The following RAB3IP variants were observed in gnomAD, a reference collection of about 807,000 sequenced individuals.
The protein encoded by RAB3IP is RAB3A interacting protein.
A neutral mutation model predicts 59.1 loss-of-function variants in RAB3IP; 36 were observed. That is an observed-to-expected ratio of 0.61 (90% CI 0.47 to 0.80). RAB3IP has a LOEUF of 0.80. Ranked by LOEUF, RAB3IP falls within the 30% of genes least tolerant of loss-of-function variation. The pLI is 0.00. For missense variants in RAB3IP, 511 were observed against 536.0 expected (o/e 0.95, Z 0.46); for synonymous variants, 207 against 191.2 (o/e 1.08, Z -0.68).
At chr12:69,787,909 T>C (rs1875960892) in intron 4 of RAB3IP, among the ~76,000 whole-genome samples, 1 of 152,148 alleles carries the variant, frequency 6.6e-6, no homozygotes, top group African/African-American at 2.4e-5. Context: ...ATGGACATAC[T>C]AATGTGTTAA....
At chr12:69,797,661 T>C (rs1410742062) in intron 6 of RAB3IP, among the ~76,000 whole-genome samples, 1 of 151,980 alleles carries the variant, frequency 6.6e-6, no homozygotes, top group African/African-American at 2.4e-5. Context: ...CTCCCAATGC[T>C]ATCCCTACCC....
At chr12:69,782,775 C>T (rs139991324) in intron 3 of RAB3IP, among the ~76,000 whole-genome samples, 162 of 152,130 alleles carry the variant, frequency 1.1e-3, no homozygotes, top group African/African-American at 3.8e-3. Context: ...CTTCTTACCC[C>T]AGTCCATCAT....
intron 3 of RAB3IP, among the ~76,000 whole-genome samples, chr12:69,760,525 A>G (rs185651030): frequency 4.6e-5 from 7 of 152,234 alleles, no homozygotes; most frequent in East Asian, 1.9e-4. Context: ...CTTCATGTGG[A>G]TCCAGATTTC....
intron 4 of RAB3IP, among the ~76,000 whole-genome samples, chr12:69,791,952 A>ATG (rs1344823065): frequency 6.6e-6 from 1 of 152,188 alleles, no homozygotes; most frequent in Non-Finnish European, 1.5e-5. Context: ...TGTGGGGGGT[A>ATG]TGTGTGTGTA....
intron 3 of RAB3IP, 35 bp downstream of exon 3, chr12:69,756,698 A>AT (rs745391712): frequency 4.3e-5 from 67 of 1,545,370 alleles, no homozygotes; most frequent in Non-Finnish European, 5.7e-5. Flanking sequence ...TCCATATATT[A>AT]TATTAGAAAT....
intron 3 of RAB3IP, among the ~76,000 whole-genome samples, chr12:69,757,089 G>T (rs1870352605): frequency 6.6e-6 from 1 of 152,150 alleles, no homozygotes; most frequent in Non-Finnish European, 1.5e-5. Context: ...TTACCTTGGA[G>T]AATTTTCTTG....
In RAB3IP at chr12:69,819,254, G is replaced by C. The variant is rs1315913530; in HGVS notation, c.*3808G>C. 2 of 152,108 alleles carry C rather than the reference G, an allele frequency of 1.3e-5. No individual in the cohort carries two copies. The highest frequency in any genetic ancestry group is 2.9e-5 in the Non-Finnish European group (2 of 68,040). The allele number at this position is 152,108 out of a possible 1,614,324, so 9.4% of individuals were successfully genotyped here. ...ATTGTTGAATTGCATTTGAGAGAGAGGAAAGGAAAGAATTCAGGTCTGAAT... is the reference window on the plus strand; with the variant it reads ...ATTGTTGAATTGCATTTGAGAGAGACGAAAGGAAAGAATTCAGGTCTGAAT... On this transcript the variant is annotated 3_prime_UTR_variant, in exon 11 of 11. Transcript: ENST00000247833.
intron 8 of RAB3IP, among the ~76,000 whole-genome samples, chr12:69,806,570 G>GTTTTTTTTTT (rs35262716): frequency 4.2e-4 from 29 of 68,468 alleles, no homozygotes; most frequent in Middle Eastern, 0.011. Flanking sequence ...TGCTTCTCTA[G>GTTTTTTTTTT]TTTTTTTTTT....
At chr12:69,766,329 T>C (rs1427839084) in intron 3 of RAB3IP, among the ~76,000 whole-genome samples, 2 of 152,214 alleles carry the variant, frequency 1.3e-5, no homozygotes, top group Non-Finnish European at 2.9e-5. Context: ...CCCATATTTC[T>C]CAACGACTTT....
intron 8 of RAB3IP, among the ~76,000 whole-genome samples, chr12:69,804,781 G>C (rs981224302): frequency 1.1e-3 from 161 of 151,970 alleles, no homozygotes; most frequent in African/African-American, 3.8e-3. Flanking sequence ...GTTTTTGTCA[G>C]GTTTGTCAAA....
At position 69,813,018 on chromosome 12, in the gene RAB3IP, G is replaced by A. The variant is rs760544083; in HGVS notation, c.1285G>A (p.Val429Met). 8.1e-6 allele frequency: 13 copies of A among 1,611,676 alleles called. No individual in the cohort carries two copies. The East Asian group carries it at 1.8e-4, about 22-fold the overall frequency. Reference protein sequence around the residue: ...TYIRYIQQGLVKQQDVDQMFW... With the variant: ...TYIRYIQQGLMKQQDVDQMFW... The stretch of plus-strand genomic sequence containing the variant: ...CATTCGATACATTCAGCAGGGACTC[G>A]TGAAACAGCAGGATGGTGAGTGTTC... The change falls in exon 10 of 11, where the codon GTG becomes ATG. Residue 429 changes from valine to methionine, a missense_variant. Coordinates refer to ENST00000247833, the MANE Select transcript of RAB3IP (RefSeq NM_022456.5).
At chr12:69,810,254 T>C (rs1268585960) in intron 8 of RAB3IP, among the ~76,000 whole-genome samples, 1 of 152,190 alleles carries the variant, frequency 6.6e-6, no homozygotes, top group Non-Finnish European at 1.5e-5. Context: ...ATCGTTCCTC[T>C]GGAAGTTTTG....
chr12:69,806,570 G>GTTTTTTTTTTTTTTTTTTTTTTTTGTT (rs35262716), intron 8 of RAB3IP, among the ~76,000 whole-genome samples: 2 of 68,488 alleles, frequency 2.9e-5, no homozygotes, highest in Admixed American at 1.8e-4. Context: ...TGCTTCTCTA[G>GTTTTTTTTTTTTTTTTTTTTTTTTGTT]TTTTTTTTTT....
At chr12:69,805,256 C>G in intron 8 of RAB3IP, among the ~76,000 whole-genome samples, 1 of 152,104 alleles carries the variant, frequency 6.6e-6, no homozygotes, top group Non-Finnish European at 1.5e-5. Flanking sequence ...CTCTTTGAAG[C>G]AGTTGTGAAT....
chr12:69,746,926 A>G (rs932631845), intron 1 of RAB3IP, among the ~76,000 whole-genome samples: 4 of 152,244 alleles, frequency 2.6e-5, no homozygotes, highest in African/African-American at 9.6e-5. Context: ...AGAGGAAAAT[A>G]GTGCTTACAT....
intron 3 of RAB3IP, among the ~76,000 whole-genome samples, chr12:69,782,843 T>G (rs1190842293): frequency 6.6e-6 from 1 of 152,160 alleles, no homozygotes; most frequent in African/African-American, 2.4e-5. Flanking sequence ...ATCTGAAACA[T>G]TCTCTGGTCC....
At chr12:69,765,655 A>G (rs960141225) in intron 3 of RAB3IP, among the ~76,000 whole-genome samples, 2 of 152,208 alleles carry the variant, frequency 1.3e-5, no homozygotes, top group Admixed American at 6.5e-5. Flanking sequence ...CCTATATCAA[A>G]GCCTCTGCAC....
intron 8 of RAB3IP, among the ~76,000 whole-genome samples, chr12:69,811,247 G>A (rs1880411050): frequency 2.0e-5 from 3 of 152,122 alleles, no homozygotes; most frequent in Admixed American, 2.0e-4. Flanking sequence ...TGGAGGATGG[G>A]AAGAGGGAGA....
In RAB3IP at chr12:69,756,651, A is replaced by G. The variant is rs1445474958; in HGVS notation, c.498A>G (p.Ala166=). 1 of 1,613,204 alleles carries G rather than the reference A, an allele frequency of 6.2e-7. No individual in the cohort carries two copies. The highest frequency in any genetic ancestry group is 8.5e-7 in the Non-Finnish European group (1 of 1,179,542). ...ATGAACGATTAAAAGAAGAACTCGCAAAAGCTCAGAGGGTAAGAAAGAAGA... is the reference window on the plus strand; with the variant it reads ...ATGAACGATTAAAAGAAGAACTCGCGAAAGCTCAGAGGGTAAGAAAGAAGA... ...KGYERLKEEL[A]KAQRELKLKD... Residue 166 remains alanine, a synonymous_variant, in exon 3 of 11, where the codon GCA becomes GCG. Coordinates refer to ENST00000247833, the MANE Select transcript of RAB3IP (RefSeq NM_022456.5).
Sources: gnomAD v4.1 joint callset for allele counts (sites outside exome capture counted in the v4.1 genomes callset) on GRCh38, gnomAD v4.1.1 for gene constraint, MANE v1.5 for transcripts, NCBI Gene and HGNC (gene_info 2026-07-23, HGNC 2026-07-21) for gene names.